ADAMTS20: variants seen among roughly 807,000 people sequenced by gnomAD.
ADAMTS20 encodes A disintegrin and metalloproteinase with thrombospondin motifs 20.
In ADAMTS20, 225 loss-of-function variants were observed where a neutral mutation model predicts 260.1. That is an observed-to-expected ratio of 0.87 (90% CI 0.78 to 0.97). The LOEUF (loss-of-function observed/expected upper bound fraction) is 0.97, where lower values mean the gene tolerates loss of function less well. Among genes scored for constraint, ADAMTS20 ranks in the 50% least tolerant of loss-of-function variants. The pLI is 0.00. For missense variants in ADAMTS20, 2,400 were observed against 2,337.7 expected (o/e 1.03, Z -0.55); for synonymous variants, 802 against 769.5 (o/e 1.04, Z -0.70).
chr12:43,492,747 G>T (rs1942622614), intron 5 of ADAMTS20, 118 bp from the exon 6 acceptor site: 1 of 1,131,690 alleles, frequency 8.8e-7, no homozygotes, highest in Non-Finnish European at 1.3e-6. Flanking sequence ...ATGAAGGAGT[G>T]ACAGCATCTC....
chr12:43,441,943 C>G (rs1565550895), intron 16 of ADAMTS20, among the ~76,000 whole-genome samples: 1 of 152,112 alleles, frequency 6.6e-6, no homozygotes, highest in Non-Finnish European at 1.5e-5. Flanking sequence ...CAGTGAGGAA[C>G]AAACAAAGAT....
At chr12:43,539,486 G>T (rs986820327) in intron 2 of ADAMTS20, among the ~76,000 whole-genome samples, 1 of 152,040 alleles carries the variant, frequency 6.6e-6, no homozygotes, top group African/African-American at 2.4e-5. Flanking sequence ...ATAAATATAA[G>T]AATTCTTATC....
intron 2 of ADAMTS20, 95 bp from the exon 3 acceptor site, chr12:43,532,290 A>C: frequency 9.1e-7 from 1 of 1,095,562 alleles, no homozygotes; most frequent in Non-Finnish European, 1.3e-6. Context: ...ACAGAAGCAA[A>C]ACAGCAAGGA....
intron 11 of ADAMTS20, among the ~76,000 whole-genome samples, chr12:43,457,875 A>G (rs1941993598): frequency 6.6e-6 from 1 of 152,246 alleles, no homozygotes; most frequent in African/African-American, 2.4e-5. Flanking sequence ...AAGTCAAATC[A>G]GGTATGAATC....
intron 26 of ADAMTS20, among the ~76,000 whole-genome samples, chr12:43,427,905 T>A (rs370037257): frequency 6.6e-6 from 1 of 152,184 alleles, no homozygotes; most frequent in African/African-American, 2.4e-5. Context: ...GCTTATTGTA[T>A]TGCTATCATA....
intron 8 of ADAMTS20, among the ~76,000 whole-genome samples, 199 bp downstream of exon 8, chr12:43,468,401 A>T (rs985056536): frequency 6.6e-6 from 1 of 152,214 alleles, no homozygotes; most frequent in Non-Finnish European, 1.5e-5. Flanking sequence ...TTCTTTGCTT[A>T]GTCTGTTGAT....
At chr12:43,495,417 A>G (rs1397039700) in intron 4 of ADAMTS20, among the ~76,000 whole-genome samples, 3 of 152,196 alleles carry the variant, frequency 2.0e-5, no homozygotes, top group Non-Finnish European at 2.9e-5. Context: ...TGGTCTGCAA[A>G]TAGTATTTAG....
At chr12:43,522,112 A>C (rs1159419056) in intron 3 of ADAMTS20, among the ~76,000 whole-genome samples, 8 of 152,328 alleles carry the variant, frequency 5.3e-5, no homozygotes, top group Middle Eastern at 3.4e-3. Flanking sequence ...AAAGAGGTTT[A>C]ATTGACTCAG....
chr12:43,493,111 C>T lies in ADAMTS20; in HGVS notation c.951+59G>A, dbSNP rs535294803. ...TCTAATAAGAGTTCCATAATCTCTA[C>T]GTATTGTCACTAAAAACTTACTACA... On this transcript the variant is annotated intron_variant, in intron 5 of 38. Coordinates refer to ENST00000389420, the MANE Select transcript of ADAMTS20 (RefSeq NM_025003.5). 109 of 1,111,640 alleles carry T rather than the reference C, an allele frequency of 9.8e-5. No individual in the cohort carries two copies. In the East Asian group the frequency reaches 2.0e-3, roughly 20 times the overall value. The allele number at this position is 1,111,640 out of a possible 1,614,324, so 68.9% of individuals were successfully genotyped here. A position where few individuals can be genotyped will look rare whatever the true frequency, so the allele number is the denominator to read the frequency against.
At chr12:43,538,968 T>C (rs900858278) in intron 2 of ADAMTS20, among the ~76,000 whole-genome samples, 1 of 150,502 alleles carries the variant, frequency 6.6e-6, no homozygotes, top group Non-Finnish European at 1.5e-5. Flanking sequence ...TTTTTTTTTT[T>C]TTGAGATGGA....
At chr12:43,390,208 C>T (rs971530279) in intron 29 of ADAMTS20, among the ~76,000 whole-genome samples, 1 of 152,180 alleles carries the variant, frequency 6.6e-6, no homozygotes, top group Non-Finnish European at 1.5e-5. Context: ...TGTTGGGAGG[C>T]CATCCTTCCA....
intron 18 of ADAMTS20, among the ~76,000 whole-genome samples, chr12:43,437,016 T>C (rs1371133085): frequency 6.6e-6 from 1 of 152,198 alleles, no homozygotes; most frequent in Non-Finnish European, 1.5e-5. Flanking sequence ...AGACTTTTAG[T>C]ACTTTTAAAA....
chr12:43,514,550 G>C (rs1263689402), intron 3 of ADAMTS20, among the ~76,000 whole-genome samples: 1 of 101,074 alleles, frequency 9.9e-6, no homozygotes, highest in Non-Finnish European at 1.8e-5. Context: ...GACAGAGTGA[G>C]ACTCTATCTC....
chr12:43,441,699 C>A (rs1941669100), intron 16 of ADAMTS20, among the ~76,000 whole-genome samples: 1 of 152,128 alleles, frequency 6.6e-6, no homozygotes, highest in African/African-American at 2.4e-5. Flanking sequence ...TAATCAAATA[C>A]TTTTTTGCTT....
At chr12:43,447,320 G>A (rs759840262) in intron 14 of ADAMTS20, among the ~76,000 whole-genome samples, 11 of 152,176 alleles carry the variant, frequency 7.2e-5, no homozygotes, top group Non-Finnish European at 1.0e-4. Flanking sequence ...CATCCCCGGG[G>A]TGCAAATTTG....
At chr12:43,501,321 A>C (rs181774319) in intron 4 of ADAMTS20, among the ~76,000 whole-genome samples, 8 of 151,982 alleles carry the variant, frequency 5.3e-5, no homozygotes, top group African/African-American at 1.4e-4. Flanking sequence ...CAGCCTCCCA[A>C]AGTGCTGGGA....
Position 43,551,259 on chromosome 12 carries a change from T to C in ADAMTS20, c.103A>G (p.Arg35Gly). The C allele has an allele frequency of 6.2e-7, 1 of 1,610,588 alleles. No homozygotes were observed. The highest frequency in any genetic ancestry group is 8.5e-7 in the Non-Finnish European group (1 of 1,177,294). ...DFHPRQEALV[R>G]TLTSYEVVIP... is the part of the protein sequence containing the mutation. ...ACTACTTCGTAGGAGGTCAGTGTCC[T>C]CACCAGGGCTTCTGCAACAACAGCG... The change falls in exon 2 of 39, where the codon AGG (arginine) becomes GGG (glycine). Residue 35 changes from arginine to glycine, a missense_variant. By Grantham distance (125) the Arg-to-Gly change is moderately radical (BLOSUM62 -2). Coordinates refer to ENST00000389420, the MANE Select transcript of ADAMTS20 (RefSeq NM_025003.5). This position sits in a 1 kb window ranked among gnomAD's most constrained non-coding sequence, Gnocchi z 4.6.
In ADAMTS20 at chr12:43,502,174, T is replaced by C. The variant is rs1942776379; in HGVS notation, c.845A>G (p.Tyr282Cys). The change falls in exon 4 of 39, where the codon TAT (tyrosine) becomes TGT (cysteine). Residue 282 changes from tyrosine to cysteine, a missense_variant. By Grantham distance (194) the Tyr-to-Cys change is radical. Coordinates refer to ENST00000389420, the MANE Select transcript of ADAMTS20 (RefSeq NM_025003.5). ...VSAHGSNLQN[Y>C]ILTLMSIVAT... is the part of the protein sequence containing the mutation. ...TACAATTGACATTAGAGTCAGTATA[T>C]AGTTTTGCAAATTCGATCCATGAGC... is the stretch of plus-strand genomic sequence containing the variant. 2.5e-6 allele frequency: 4 copies of C among 1,603,016 alleles called. No individual in the cohort carries two copies. Among genetic ancestry groups the C allele is most frequent in the Non-Finnish European group, 3.4e-6 (4 of 1,175,404 alleles).
At chr12:43,415,415 T>G (rs1293128371) in intron 28 of ADAMTS20, among the ~76,000 whole-genome samples, 1 of 152,350 alleles carries the variant, frequency 6.6e-6, no homozygotes, top group East Asian at 1.9e-4. Flanking sequence ...GAGTACAACT[T>G]TCTCAAGTAG....
Sources: gnomAD v4.1 joint callset for allele counts (sites outside exome capture counted in the v4.1 genomes callset) on GRCh38, gnomAD v4.1.1 for gene constraint, Gnocchi (gnomAD v3.1) non-coding constraint, MANE v1.5 for transcripts, NCBI Gene and HGNC (gene_info 2026-07-23, HGNC 2026-07-21) for gene names.